EPS15L1: variants seen among roughly 807,000 people sequenced by gnomAD.
EPS15L1 encodes the protein epidermal growth factor receptor substrate 15-like 1.
Under a neutral mutation model 117.1 loss-of-function variants are expected in EPS15L1, and 43 were observed. That is an observed-to-expected ratio of 0.37 (90% CI 0.29 to 0.47). EPS15L1 has a LOEUF of 0.47. EPS15L1 is among the 20% of genes least tolerant of loss of function. The pLI, the probability that EPS15L1 is intolerant of heterozygous loss-of-function variation, is 0.99. For missense variants in EPS15L1, 981 were observed against 1,164.0 expected, an observed-to-expected ratio of 0.84 and a Z score of 2.29; for synonymous variants, 459 against 470.5, an observed-to-expected ratio of 0.98 and a Z score of 0.32.
In EPS15L1 at chr19:16,423,879, A is replaced by G. The variant is rs544164645; in HGVS notation, c.792+1204T>C. Among the ~76,000 whole-genome samples the G allele has an allele frequency of 3.3e-5, 5 of 152,350 alleles. No homozygotes were observed. The South Asian group carries it at 1.0e-3, about 32-fold the overall frequency. On this transcript the variant is annotated intron_variant, in intron 9 of 23. Transcript: ENST00000455140. ...GTTCTGTGTCCCACGGGTCCCAAGA[A>G]GAAATTACGTATGAAATTATAGCTC...
intron 1 of EPS15L1, among the ~76,000 whole-genome samples, chr19:16,462,731 C>CA (rs1472457553): frequency 6.6e-6 from 1 of 152,030 alleles, no homozygotes; most frequent in Non-Finnish European, 1.5e-5. Flanking sequence ...GAGAGGGGGC[C>CA]AGGAAGCTGT....
At chr19:16,417,458 C>T in intron 12 of EPS15L1, 94 bp downstream of exon 12, 4 of 1,099,970 alleles carry the variant, frequency 3.6e-6, no homozygotes, top group Non-Finnish European at 5.5e-6. Context: ...CTGTGATGAG[C>T]AAACTTCCAG....
intron 1 of EPS15L1, among the ~76,000 whole-genome samples, chr19:16,452,740 G>A (rs1183257202): frequency 6.6e-6 from 1 of 151,916 alleles, no homozygotes; most frequent in African/African-American, 2.4e-5. Flanking sequence ...GTTGTAAATG[G>A]GCAGTGGGTA....
intron 1 of EPS15L1, among the ~76,000 whole-genome samples, chr19:16,462,231 T>C (rs1348798256): frequency 6.6e-6 from 1 of 152,172 alleles, no homozygotes; most frequent in Non-Finnish European, 1.5e-5. Flanking sequence ...CACTCCTGCA[T>C]CAGACCTGTG....
intron 1 of EPS15L1, among the ~76,000 whole-genome samples, chr19:16,454,945 C>T (rs2093180706): frequency 1.3e-5 from 2 of 151,764 alleles, no homozygotes; most frequent in Admixed American, 1.3e-4. Context: ...GCCTGGCCAA[C>T]ATGGTAAAAG....
chr19:16,471,166 G>A lies in EPS15L1; in HGVS notation c.33+747C>T, dbSNP rs1326932118. ...AACACAGGTAGTTTCTAGTTCCCAC[G>A]AGTGTCACCTCCAGGAAAGCAGCGA... On this transcript the variant is annotated intron_variant, in intron 1 of 23. Coordinates refer to ENST00000455140, the MANE Select transcript of EPS15L1 (RefSeq NM_001258374.3). This position sits in a 1 kb window ranked among gnomAD's most constrained non-coding sequence, Gnocchi z 4.8. 6.6e-6 allele frequency among the ~76,000 whole-genome samples: 1 copy of A among 152,200 alleles called. No homozygotes were observed. Among genetic ancestry groups the A allele is most frequent in the East Asian group, 1.9e-4 (1 of 5,190 alleles).
At chr19:16,447,069 C>G (rs1305692939) in intron 1 of EPS15L1, among the ~76,000 whole-genome samples, 3 of 152,218 alleles carry the variant, frequency 2.0e-5, no homozygotes, top group Non-Finnish European at 4.4e-5. Flanking sequence ...GAGGCCCCCA[C>G]AGGCCTTGCA....
At chr19:16,437,745 G>C (rs997604830) in intron 5 of EPS15L1, 25 bp downstream of exon 5, 15 of 1,563,690 alleles carry the variant, frequency 9.6e-6, no homozygotes, top group Non-Finnish European at 7.9e-6. Context: ...AGAAGAATGT[G>C]AACTTGAAGG....
intron 9 of EPS15L1, 96 bp from the exon 10 acceptor site, chr19:16,421,572 C>T (rs2092814285): frequency 7.7e-6 from 10 of 1,294,558 alleles, no homozygotes; most frequent in Non-Finnish European, 1.1e-5. Context: ...CACTTCCATG[C>T]ACATTTGGCA....
At position 16,400,261 on chromosome 19, in the gene EPS15L1, C is replaced by T. The variant is rs1046014330; in HGVS notation, c.1791+2060G>A. The stretch of plus-strand genomic sequence containing the variant: ...CTGAGGCAGGAGAATCACTTGGACC[C>T]GGGAGGCAGAGGTTGCAGTGAGCTG... On this transcript the variant is annotated intron_variant, in intron 16 of 23. Transcript: ENST00000455140. Among the ~76,000 whole-genome samples, 8 of 148,034 alleles carry T rather than the reference C, an allele frequency of 5.4e-5. No homozygotes were observed. In the East Asian group the frequency reaches 6.2e-4, roughly 11 times the overall value.
chr19:16,470,941 G>A lies in EPS15L1; in HGVS notation c.33+972C>T, dbSNP rs190009894. Among the ~76,000 whole-genome samples the A allele has an allele frequency of 6.3e-3, 955 of 152,264 alleles. 10 individuals are homozygous for A. Among genetic ancestry groups the A allele is most frequent in the Non-Finnish European group, 6.4e-3 (438 of 68,016 alleles). ...TTTATATCTCCATTTTCCAAAGGAA[G>A]CAACTGATGGGTGGAATGGCTAAGA... On this transcript the variant is annotated intron_variant, in intron 1 of 23. Transcript: ENST00000455140.
chr19:16,373,367 C>T (rs2092251921), intron 22 of EPS15L1, among the ~76,000 whole-genome samples: 1 of 152,048 alleles, frequency 6.6e-6, no homozygotes, highest in Non-Finnish European at 1.5e-5. Context: ...GTGTGGTCTC[C>T]CTGAGCAGAA....
chr19:16,378,331 G>A (rs2092321755), intron 21 of EPS15L1, among the ~76,000 whole-genome samples: 1 of 151,928 alleles, frequency 6.6e-6, no homozygotes, highest in Admixed American at 6.6e-5. Flanking sequence ...CCCTCACAAT[G>A]CCTCCTTAGT....
At position 16,365,513 on chromosome 19, in the gene EPS15L1, G is replaced by A. The variant is rs2092121637; in HGVS notation, c.2381-3529C>T. ...TGGACTTTGAGCCTCTAGAACTGCG[G>A]GACAATCCATGTCTGCTGTTTAGGC... On this transcript the variant is annotated intron_variant, in intron 22 of 23. Coordinates refer to ENST00000455140, the MANE Select transcript of EPS15L1 (RefSeq NM_001258374.3). The surrounding 1 kb of genome is among the most constrained non-coding windows in gnomAD (Gnocchi z 4.9). 6.6e-6 allele frequency among the ~76,000 whole-genome samples: 1 copy of A among 152,166 alleles called. No homozygotes were observed. Among genetic ancestry groups the A allele is most frequent in the South Asian group, 2.1e-4 (1 of 4,830 alleles).
intron 13 of EPS15L1, among the ~76,000 whole-genome samples, chr19:16,408,461 CAAATTTGTAAAAATACAAATT>C (rs752941213): frequency 0.024 from 3,691 of 152,000 alleles, 120 homozygotes; most frequent in Admixed American, 0.086. Context: ...CAGTAAAATA[CAAATTTGTAAAAATACAAATT>C]TTTACAAAAT....
intron 1 of EPS15L1, among the ~76,000 whole-genome samples, chr19:16,456,619 T>C (rs776629926): frequency 6.6e-6 from 1 of 151,602 alleles, no homozygotes; most frequent in Non-Finnish European, 1.5e-5. Context: ...GATGATGCCA[T>C]TGCACTCCAG....
intron 22 of EPS15L1, among the ~76,000 whole-genome samples, chr19:16,362,580 G>A (rs930676052): frequency 3.0e-5 from 4 of 133,712 alleles, no homozygotes; most frequent in Non-Finnish European, 4.6e-5. Context: ...CTGAAATGCA[G>A]TGGTGCAATC....
At chr19:16,401,816 T>C (rs2092604280) in intron 16 of EPS15L1, 2 of 986,062 alleles carry the variant, frequency 2.0e-6, no homozygotes, top group Non-Finnish European at 2.4e-6. Context: ...AATTCTTACT[T>C]GAAAGAGCAA....
In EPS15L1 at chr19:16,355,859, G is replaced by A. The variant is rs1451034484; in HGVS notation, c.2587-8C>T. 6.5e-7 allele frequency: 1 copy of A among 1,535,150 alleles called. No individual in the cohort carries two copies. The highest frequency in any genetic ancestry group is 8.7e-7 in the Non-Finnish European group (1 of 1,146,138). ...CTGCTCCTCATTGCCAAACTGCAAA[G>A]GAAAAACGGAGAGTGGGTGATGTGG... is the stretch of plus-strand genomic sequence containing the variant. On this transcript the variant is annotated splice_polypyrimidine_tract_variant and splice_region_variant and intron_variant, in intron 23 of 23. Transcript: ENST00000455140.
Sources: allele counts gnomAD v4.1 joint callset (sites outside exome capture counted in the v4.1 genomes callset), GRCh38; gene constraint gnomAD v4.1.1; non-coding constraint Gnocchi (gnomAD v3.1); transcripts MANE v1.5; gene names NCBI Gene and HGNC (gene_info 2026-07-23, HGNC 2026-07-21).